Variants in DGKB observed in about 807,000 individuals in gnomAD.
DGKB encodes the protein diacylglycerol kinase beta.
In DGKB, 67 loss-of-function variants were observed where a neutral mutation model predicts 114.3. The ratio of observed to expected loss-of-function variants is 0.59; its 90% CI spans 0.48 to 0.72. DGKB has a LOEUF of 0.72. Ranked by LOEUF, DGKB falls within the 30% of genes least tolerant of loss-of-function variation. DGKB has a pLI of 0.00. For synonymous variants in DGKB, 398 were observed against 323.1 expected (o/e 1.23, Z -2.49); for missense variants, 907 against 975.2 (o/e 0.93, Z 0.93).
intron 20 of DGKB, among the ~76,000 whole-genome samples, chr7:14,539,074 T>C (rs1488826473): frequency 3.9e-5 from 6 of 152,118 alleles, no homozygotes; most frequent in Admixed American, 6.5e-5. Context: ...AATTGAGCAC[T>C]ATGGTGCTCA....
chr7:14,475,969 G>C (rs1411438511), intron 21 of DGKB, among the ~76,000 whole-genome samples: 1 of 151,942 alleles, frequency 6.6e-6, no homozygotes, highest in African/African-American at 2.4e-5. Flanking sequence ...TTACACATAG[G>C]TTGTCAAATA....
chr7:14,364,832 G>A (rs1367568619), intron 21 of DGKB, among the ~76,000 whole-genome samples: 1 of 151,912 alleles, frequency 6.6e-6, no homozygotes, highest in African/African-American at 2.4e-5. Context: ...GACTGCACAG[G>A]AGCATAAATC....
intron 1 of DGKB, among the ~76,000 whole-genome samples, chr7:14,851,289 C>T (rs1400951629): frequency 6.6e-6 from 1 of 152,054 alleles, no homozygotes; most frequent in East Asian, 1.9e-4. Context: ...GAAAATATAG[C>T]AAGCTTTGTA....
intron 20 of DGKB, among the ~76,000 whole-genome samples, chr7:14,568,621 C>T (rs995693898): frequency 2.6e-5 from 4 of 152,210 alleles, no homozygotes; most frequent in African/African-American, 9.6e-5. Flanking sequence ...TTAACCTATC[C>T]TGACCTGTCA....
intron 2 of DGKB, among the ~76,000 whole-genome samples, chr7:14,804,686 A>G (rs2128059523): frequency 6.6e-6 from 1 of 152,190 alleles, no homozygotes; most frequent in Non-Finnish European, 1.5e-5. Context: ...GTATCTGTTA[A>G]CTGTTCCTTT....
chr7:14,696,654 C>T (rs1823989357), intron 8 of DGKB, among the ~76,000 whole-genome samples: 2 of 151,634 alleles, frequency 1.3e-5, no homozygotes, highest in East Asian at 1.9e-4. Flanking sequence ...AAGCTGTTGT[C>T]GATTACAAGG....
rs1191229782 is a variant in DGKB at position 14,694,123 on chromosome 7, T to C, written c.663A>G (p.Gln221=). The C allele has an allele frequency of 1.3e-6, 2 of 1,593,234 alleles. No individual in the cohort carries two copies. The highest frequency in any genetic ancestry group is 1.7e-6 in the Non-Finnish European group (2 of 1,168,378). ...GAAGTGGAATCGTTGTCATTCCTCC[T>C]TGAATCCATTCCTCCAGAGACACGG... ...DGTVSLEEWI[Q]GGMTTIPLLV... is the part of the protein sequence containing the mutation. Residue 221 remains glutamine (Q), a synonymous_variant, in exon 9 of 26, where the codon CAA becomes CAG. Coordinates refer to ENST00000402815, the MANE Select transcript of DGKB (RefSeq NM_001350709.2).
chr7:14,560,063 AT>A (rs35881351), intron 20 of DGKB, among the ~76,000 whole-genome samples: 77,328 of 149,350 alleles, frequency 0.52, 19,987 homozygotes, highest in East Asian at 0.61. Flanking sequence ...AGGTTATTAG[AT>A]TTTTTTTTTA....
chr7:14,877,256 C>T (rs17370286), intron 1 of DGKB, among the ~76,000 whole-genome samples: 50,656 of 152,062 alleles, frequency 0.33, 9,955 homozygotes, highest in Non-Finnish European at 0.44. Flanking sequence ...ACTTAAATAT[C>T]CTTTTGAAAA....
At chr7:14,231,459 A>C (rs1481673631) in intron 23 of DGKB, among the ~76,000 whole-genome samples, 1 of 152,036 alleles carries the variant, frequency 6.6e-6, no homozygotes, top group Admixed American at 6.6e-5. Context: ...CATTCTACAA[A>C]AAACTATTTA....
rs139426546 is a variant in DGKB, at chr7:14,147,007, G to C, written c.*2124C>G. The C allele has an allele frequency of 5.3e-5, 8 of 152,024 alleles. No homozygotes were observed. Among genetic ancestry groups the C allele is most frequent in the African/African-American group, 1.9e-4 (8 of 41,414 alleles). 9.4% of individuals were successfully genotyped at this position (152,024 alleles called of 1,614,324 possible). On this transcript the variant is annotated 3_prime_UTR_variant, in exon 26 of 26. Transcript: ENST00000402815. ...CCAAGACATAATTGTATGTTGTAGC[G>C]AACATAAAATAATTTGTGGCTTCAA...
chr7:14,556,672 G>A (rs924871565), intron 20 of DGKB, among the ~76,000 whole-genome samples: 1 of 152,042 alleles, frequency 6.6e-6, no homozygotes, highest in Non-Finnish European at 1.5e-5. Context: ...ACCCGTTTTG[G>A]CTTTCTTGAA....
chr7:14,469,189 C>T (rs941047616), intron 21 of DGKB, among the ~76,000 whole-genome samples: 1 of 151,902 alleles, frequency 6.6e-6, no homozygotes, highest in Non-Finnish European at 1.5e-5. Flanking sequence ...GTGGAATTTA[C>T]GATTATCTAA....
At position 14,594,816 on chromosome 7, in the gene DGKB, C is replaced by T. The variant is rs1015313921; in HGVS notation, c.1434-11679G>A. On this transcript the variant is annotated intron_variant, in intron 17 of 25. Transcript: ENST00000402815. ...TCTAGACTTCTATAGGGAAAAAAGA[C>T]TTTGCTTAGGGTCAAATACAAAAGA... 2.0e-5 allele frequency among the ~76,000 whole-genome samples: 3 copies of T among 152,020 alleles called. No homozygotes were observed. In the East Asian group the frequency reaches 5.8e-4, roughly 29 times the overall value.
intron 2 of DGKB, among the ~76,000 whole-genome samples, chr7:14,823,120 A>G (rs1324843771): frequency 6.6e-6 from 1 of 151,790 alleles, no homozygotes; most frequent in Admixed American, 6.6e-5. Flanking sequence ...TGTTAAAAGA[A>G]AATTAAGTTA....
chr7:14,155,620 C>A lies in DGKB; in HGVS notation c.2305-6382G>T, dbSNP rs186443179. Among the ~76,000 whole-genome samples the A allele has an allele frequency of 2.6e-5, 4 of 152,082 alleles. No homozygotes were observed. In the East Asian group the frequency reaches 7.7e-4, roughly 29 times the overall value. On this transcript the variant is annotated intron_variant, in intron 25 of 25. Coordinates refer to ENST00000402815, the MANE Select transcript of DGKB (RefSeq NM_001350709.2). Reference sequence around the variant, plus strand: ...GAAGTGAAATAGACTTTAGTCAGGGCAGTGCCAATGGGAACAGAGTGGAGG... The same window carrying A: ...GAAGTGAAATAGACTTTAGTCAGGGAAGTGCCAATGGGAACAGAGTGGAGG...
intron 20 of DGKB, among the ~76,000 whole-genome samples, chr7:14,527,105 A>T (rs1396246029): frequency 1.3e-5 from 2 of 152,102 alleles, no homozygotes; most frequent in Admixed American, 6.6e-5. Flanking sequence ...GCTTTCTTTC[A>T]TCTCTGCAAC....
rs200108130 is a variant in DGKB at position 14,697,964 on chromosome 7, G to GGAAA, written c.591+127_591+130dup. On this transcript the variant is annotated intron_variant, in intron 8 of 25. Transcript: ENST00000402815. The stretch of plus-strand genomic sequence containing the variant: ...GAAACAGAAAGGGAGATAGAAGGAA[G>GGAAA]GAAAGAAAGAAAGAAAGAGAGAGAG... 54 of 585,662 alleles carry GGAAA rather than the reference G, an allele frequency of 9.2e-5. No homozygotes were observed. The East Asian group carries it at 1.4e-3, about 15-fold the overall frequency. The allele number at this position is 585,662 out of a possible 1,614,324, so 36.3% of individuals were successfully genotyped here.
intron 23 of DGKB, among the ~76,000 whole-genome samples, chr7:14,334,393 TGTGCGC>T (rs143720810): frequency 0.38 from 48,557 of 127,134 alleles, 9,328 homozygotes; most frequent in South Asian, 0.57. Context: ...TGTGTGTGTG[TGTGCGC>T]GCGCGTGTAT....
Sources: gnomAD v4.1 joint callset for allele counts (sites outside exome capture counted in the v4.1 genomes callset) on GRCh38, gnomAD v4.1.1 for gene constraint, MANE v1.5 for transcripts, NCBI Gene and HGNC (gene_info 2026-07-23, HGNC 2026-07-21) for gene names.